Variants in UNC13B observed in about 807,000 individuals in gnomAD.
The protein encoded by UNC13B is unc-13 homolog B.
A neutral mutation model predicts 211.0 loss-of-function variants in UNC13B; 144 were observed. The ratio of observed to expected loss-of-function variants is 0.68; its 90% CI spans 0.60 to 0.78. The LOEUF is 0.78. UNC13B is among the 30% of genes least tolerant of loss of function. UNC13B has a pLI of 0.00. For missense variants in UNC13B, 1,777 were observed against 2,002.0 expected (o/e 0.89, Z 2.14); for synonymous variants, 709 against 725.8 (o/e 0.98, Z 0.37).
At chr9:35,167,115 G>A (rs1277023105) in intron 1 of UNC13B, among the ~76,000 whole-genome samples, 9 of 151,802 alleles carry the variant, frequency 5.9e-5, no homozygotes, top group African/African-American at 2.2e-4. Flanking sequence ...TCGCTGTGTC[G>A]CCCAGGCTGG....
intron 7 of UNC13B, 55 bp downstream of exon 7, chr9:35,259,105 T>G: frequency 6.3e-7 from 1 of 1,576,098 alleles, no homozygotes; most frequent in East Asian, 2.2e-5. Context: ...CTGTCGCTTC[T>G]CTGAACATGG....
In UNC13B at chr9:35,303,924, A is replaced by T. The variant is rs1208090864; in HGVS notation, c.4520A>T (p.Tyr1507Phe). The T allele has an allele frequency of 2.5e-6, 1 of 398,696 alleles. No homozygotes were observed. The highest frequency in any genetic ancestry group is 4.4e-6 in the Non-Finnish European group (1 of 225,884). 24.7% of individuals were successfully genotyped at this position (398,696 alleles called of 1,614,324 possible). A position where few individuals can be genotyped will look rare whatever the true frequency, so the allele number is the denominator to read the frequency against. ...DENFVFSSFG[Y>F]EYQEWLSCLE... is the part of the protein sequence containing the mutation. Reference sequence around the variant, plus strand: ...AACTTTGTTTTTTCAAGTTTTGGTTATGAGTACCAGGAATGGTTGTCATGT... The same window carrying T: ...AACTTTGTTTTTTCAAGTTTTGGTTTTGAGTACCAGGAATGGTTGTCATGT... Residue 1507 changes from tyrosine to phenylalanine, a missense_variant, in exon 9 of 40, where the codon TAT becomes TTT. Coordinates refer to ENST00000635942, the MANE Select transcript of UNC13B (RefSeq NM_001371189.2).
At chr9:35,164,915 G>C (rs770736229) in intron 1 of UNC13B, among the ~76,000 whole-genome samples, 5 of 152,152 alleles carry the variant, frequency 3.3e-5, no homozygotes, top group Non-Finnish European at 7.3e-5. Context: ...CCTGCAACTG[G>C]TCTTGTATTG....
Position 35,399,101 on chromosome 9 carries a change from C to T in UNC13B, c.12075-60C>T, listed in dbSNP as rs375036472. On this transcript the variant is annotated intron_variant, in intron 33 of 39. Coordinates refer to ENST00000635942, the MANE Select transcript of UNC13B (RefSeq NM_001371189.2). The stretch of plus-strand genomic sequence containing the variant: ...GCAGATGCTATCGGGCAAGGGAGCC[C>T]CTTGGGGAGAGGGGTTCTCAAACTC... The T allele has an allele frequency of 1.1e-5, 18 of 1,614,022 alleles. 1 individual carries two copies. In the African/African-American group the frequency reaches 1.3e-4, roughly 12 times the overall value.
intron 1 of UNC13B, among the ~76,000 whole-genome samples, chr9:35,182,917 A>G: frequency 6.6e-6 from 1 of 151,580 alleles, no homozygotes; most frequent in Non-Finnish European, 1.5e-5. Flanking sequence ...TCTTTTCCCC[A>G]CATTTCCCCC....
intron 17 of UNC13B, 66 bp from the exon 18 acceptor site, chr9:35,380,404 T>C (rs570462692): frequency 2.6e-6 from 4 of 1,551,076 alleles, no homozygotes; most frequent in East Asian, 2.3e-5. Context: ...TGGGAGGGAA[T>C]AGGAAGTAAC....
intron 1 of UNC13B, among the ~76,000 whole-genome samples, chr9:35,198,336 C>A (rs1823060618): frequency 6.6e-6 from 1 of 152,140 alleles, no homozygotes; most frequent in Non-Finnish European, 1.5e-5. Flanking sequence ...TCTCTCTGTT[C>A]CTTTTGCTCT....
At chr9:35,291,847 C>T (rs1459985703) in intron 7 of UNC13B, among the ~76,000 whole-genome samples, 1 of 152,174 alleles carries the variant, frequency 6.6e-6, no homozygotes, top group Non-Finnish European at 1.5e-5. Flanking sequence ...TGGAATTTCT[C>T]ATGAAGTCTG....
chr9:35,241,119 G>GGTA (rs1408939264), intron 5 of UNC13B, among the ~76,000 whole-genome samples: 11 of 151,706 alleles, frequency 7.3e-5, no homozygotes, highest in Non-Finnish European at 1.6e-4. Flanking sequence ...GTGTGTTGGT[G>GGTA]GGCATGTCAC....
chr9:35,211,902 A>T (rs1823988364), intron 1 of UNC13B, among the ~76,000 whole-genome samples: 1 of 152,268 alleles, frequency 6.6e-6, no homozygotes, highest in East Asian at 1.9e-4. Flanking sequence ...TTGAGGCTGC[A>T]CTATGTTGCC....
At position 35,269,311 on chromosome 9, in the gene UNC13B, A is replaced by G. The variant is rs377641121; in HGVS notation, c.526+10261A>G. ...TAAAAGGATATTTTAAAGGATACAAACAAATAGCCAGATGAAATGATACAT... is the reference window on the plus strand; with the variant it reads ...TAAAAGGATATTTTAAAGGATACAAGCAAATAGCCAGATGAAATGATACAT... On this transcript the variant is annotated intron_variant, in intron 7 of 39. Transcript: ENST00000635942. 7.5e-4 allele frequency among the ~76,000 whole-genome samples: 115 copies of G among 152,336 alleles called. 1 individual carries two copies. In the South Asian group the frequency reaches 0.019, roughly 25 times the overall value.
chr9:35,263,415 C>T (rs4376575), intron 7 of UNC13B, among the ~76,000 whole-genome samples: 23,807 of 151,366 alleles, frequency 0.16, 2,095 homozygotes, highest in Admixed American at 0.25. Context: ...CTGCACGTAC[C>T]AAAATCCGTG....
chr9:35,233,171 T>A (rs1825307251), intron 3 of UNC13B, among the ~76,000 whole-genome samples: 2 of 152,220 alleles, frequency 1.3e-5, no homozygotes, highest in Non-Finnish European at 2.9e-5. Context: ...TCCATACCAG[T>A]ATGTTAGCCA....
intron 1 of UNC13B, among the ~76,000 whole-genome samples, chr9:35,179,566 G>A (rs895790002): frequency 2.0e-5 from 3 of 152,136 alleles, no homozygotes; most frequent in Non-Finnish European, 2.9e-5. Context: ...TGAGGCATGT[G>A]CATAGCTTGA....
intron 7 of UNC13B, among the ~76,000 whole-genome samples, chr9:35,268,444 C>T (rs573848033): frequency 7.2e-4 from 110 of 152,214 alleles, no homozygotes; most frequent in African/African-American, 2.6e-3. Flanking sequence ...ACAGTGAAAC[C>T]CCATCTATAC....
chr9:35,292,440 A>G (rs1485895832), intron 7 of UNC13B, among the ~76,000 whole-genome samples: 1 of 152,188 alleles, frequency 6.6e-6, no homozygotes, highest in Non-Finnish European at 1.5e-5. Context: ...GCCTTTCATC[A>G]TGCCACTGCT....
At chr9:35,221,970 G>A (rs1030480590) in intron 1 of UNC13B, among the ~76,000 whole-genome samples, 2 of 152,190 alleles carry the variant, frequency 1.3e-5, no homozygotes, top group African/African-American at 4.8e-5. Context: ...TGACCCATAT[G>A]TGTGTGGGTC....
rs1035370233 is a variant in UNC13B, at chr9:35,162,072, C to G, written c.-212C>G. ...GTGCCGCGCCCAGTCCCCAGCCTGC[C>G]GGCCGGTACTCACCGCTACCCGGAG... On this transcript the variant is annotated 5_prime_UTR_variant, in exon 1 of 40. Transcript: ENST00000635942. 21 of 640,062 alleles carry G rather than the reference C, an allele frequency of 3.3e-5. No homozygotes were observed. Among genetic ancestry groups the G allele is most frequent in the Non-Finnish European group, 4.4e-5 (17 of 390,354 alleles). 39.6% of individuals were successfully genotyped at this position (640,062 alleles called of 1,614,324 possible).
chr9:35,369,296 T>G (rs926189049), intron 12 of UNC13B, among the ~76,000 whole-genome samples: 1 of 152,186 alleles, frequency 6.6e-6, no homozygotes, highest in Non-Finnish European at 1.5e-5. Flanking sequence ...TCCCAACGTC[T>G]TTGCTCTCAT....
Sources: gnomAD v4.1 joint callset for allele counts (sites outside exome capture counted in the v4.1 genomes callset) on GRCh38, gnomAD v4.1.1 for gene constraint, MANE v1.5 for transcripts, NCBI Gene and HGNC (gene_info 2026-07-23, HGNC 2026-07-21) for gene names.